The following CDH13 variants were observed in gnomAD, a reference collection of about 807,000 sequenced individuals.
The protein encoded by CDH13 is cadherin-13.
In CDH13, 24 loss-of-function variants were observed where a neutral mutation model predicts 63.8. The observed-to-expected ratio is 0.38, with a 90% CI of 0.27 to 0.53. The LOEUF is 0.53. Ranked by LOEUF, CDH13 falls within the 20% of genes least tolerant of loss-of-function variation. The probability of loss-of-function intolerance (pLI) is 0.85; values close to 1 mark genes in which losing one functional copy is unlikely to be tolerated. For synonymous variants in CDH13, 503 were observed against 355.3 expected (o/e 1.42, Z -4.67); for missense variants, 1,049 against 903.1 (o/e 1.16, Z -2.07).
At chr16:82,657,996 T>G (rs1320777767) in intron 1 of CDH13, among the ~76,000 whole-genome samples, 2 of 152,230 alleles carry the variant, frequency 1.3e-5, no homozygotes, top group Admixed American at 6.5e-5. Context: ...TTGCTACTGA[T>G]CTTATCAGGA....
chr16:83,232,042 C>T (rs2040010391), intron 5 of CDH13, among the ~76,000 whole-genome samples: 1 of 151,926 alleles, frequency 6.6e-6, no homozygotes, highest in Non-Finnish European at 1.5e-5. Flanking sequence ...ACAAGGCGGG[C>T]TTTTCAGAGG....
intron 3 of CDH13, among the ~76,000 whole-genome samples, chr16:83,055,099 T>A (rs1243365912): frequency 6.6e-6 from 1 of 151,756 alleles, no homozygotes; most frequent in African/African-American, 2.4e-5. Flanking sequence ...ATGGGTAAAA[T>A]AAGAAATAAT....
intron 2 of CDH13, among the ~76,000 whole-genome samples, chr16:82,995,132 C>T (rs1054740470): frequency 6.6e-6 from 1 of 152,138 alleles, no homozygotes; most frequent in African/African-American, 2.4e-5. Context: ...TCATCACAAC[C>T]CAAGTGGCTC....
intron 5 of CDH13, among the ~76,000 whole-genome samples, chr16:83,325,885 A>G (rs867955257): frequency 7.2e-5 from 11 of 152,234 alleles, no homozygotes; most frequent in Non-Finnish European, 1.6e-4. Context: ...TTAATTGAAT[A>G]TGGACTCACT....
intron 1 of CDH13, among the ~76,000 whole-genome samples, chr16:82,653,651 G>A (rs930869017): frequency 2.0e-5 from 3 of 152,244 alleles, no homozygotes; most frequent in African/African-American, 7.2e-5. Flanking sequence ...AGCAGCCAGG[G>A]AGGGGGTGGA....
intron 1 of CDH13, among the ~76,000 whole-genome samples, chr16:82,826,982 G>C (rs774136491): frequency 6.6e-6 from 1 of 152,166 alleles, no homozygotes; most frequent in African/African-American, 2.4e-5. Context: ...ATGCCACACG[G>C]CTGGCTTTGG....
intron 2 of CDH13, among the ~76,000 whole-genome samples, chr16:82,873,829 T>A (rs1314533068): frequency 6.6e-6 from 1 of 152,176 alleles, no homozygotes; most frequent in Non-Finnish European, 1.5e-5. Flanking sequence ...ATAGCTTGGC[T>A]CCTCTGAAAG....
chr16:83,499,849 C>T (rs1320377755), intron 7 of CDH13, among the ~76,000 whole-genome samples: 2 of 152,122 alleles, frequency 1.3e-5, no homozygotes, highest in African/African-American at 2.4e-5. Flanking sequence ...ATTGCTCAAG[C>T]TGTAGTGCAA....
chr16:83,175,712 T>A (rs576709909), intron 4 of CDH13, among the ~76,000 whole-genome samples: 19 of 152,102 alleles, frequency 1.2e-4, no homozygotes, highest in Admixed American at 5.2e-4. Context: ...GCCAGATGAG[T>A]CACCAACACA....
chr16:83,450,802 G>A lies in CDH13; in HGVS notation c.782-35675G>A, dbSNP rs111445501. Among the ~76,000 whole-genome samples, 286 of 152,272 alleles carry A rather than the reference G, an allele frequency of 1.9e-3. 2 individuals carry two copies. The highest frequency in any genetic ancestry group is 6.7e-3 in the African/African-American group (280 of 41,558). On this transcript the variant is annotated intron_variant, in intron 6 of 13. Coordinates refer to ENST00000567109, the MANE Select transcript of CDH13 (RefSeq NM_001257.5). ...GGAGAATGGCGTGAACCCGGGAGGC[G>A]GAGCTTGCCGTGAGCCGAGATGGTG...
rs150836814 is a variant in CDH13 at position 83,129,187 on chromosome 16, G to C, written c.483+3686G>C. Among the ~76,000 whole-genome samples, 4 of 152,274 alleles carry C rather than the reference G, an allele frequency of 2.6e-5. 1 individual carries two copies. The highest frequency in any genetic ancestry group is 4.8e-5 in the African/African-American group (2 of 41,548). On this transcript the variant is annotated intron_variant, in intron 4 of 13. Coordinates refer to ENST00000567109, the MANE Select transcript of CDH13 (RefSeq NM_001257.5). ...TGCTGGGGAGGCAGGGAGAAGGGAA[G>C]GAAGACCACAGAGGCAGAGCTCTGG... is the stretch of plus-strand genomic sequence containing the variant.
At chr16:83,257,957 C>T (rs1036961923) in intron 5 of CDH13, among the ~76,000 whole-genome samples, 1 of 152,124 alleles carries the variant, frequency 6.6e-6, no homozygotes, top group African/African-American at 2.4e-5. Flanking sequence ...TAATATTAGT[C>T]ATTCTAACTG....
At chr16:82,986,988 T>C (rs1199178256) in intron 2 of CDH13, among the ~76,000 whole-genome samples, 2 of 152,188 alleles carry the variant, frequency 1.3e-5, no homozygotes, top group African/African-American at 2.4e-5. Context: ...TTCCATCTTA[T>C]CTTGATGGAA....
intron 7 of CDH13, among the ~76,000 whole-genome samples, chr16:83,575,828 G>C (rs1034189211): frequency 4.6e-5 from 7 of 152,056 alleles, no homozygotes; most frequent in African/African-American, 9.7e-5. Flanking sequence ...CTCCCACACT[G>C]GGCTATAGTT....
Position 83,447,427 on chromosome 16 carries a change from G to GA in CDH13, c.782-39042dup, listed in dbSNP as rs1197438804. Among the ~76,000 whole-genome samples the GA allele has an allele frequency of 5.3e-5, 8 of 151,542 alleles. No homozygotes were observed. In the East Asian group the frequency reaches 7.7e-4, roughly 15 times the overall value. ...CTAGACTCCATCCCAAAAAAACAAAGAAAAAAAAGTTTGATGGATGAAGCA... is the reference window on the plus strand; with the variant it reads ...CTAGACTCCATCCCAAAAAAACAAAGAAAAAAAAAGTTTGATGGATGAAGCA... On this transcript the variant is annotated intron_variant, in intron 6 of 13. Coordinates refer to ENST00000567109, the MANE Select transcript of CDH13 (RefSeq NM_001257.5).
intron 4 of CDH13, among the ~76,000 whole-genome samples, chr16:83,158,121 G>C (rs2037291925): frequency 1.3e-5 from 2 of 152,036 alleles, no homozygotes; most frequent in African/African-American, 4.8e-5. Context: ...GTAAATTCAG[G>C]GGATAAGATC....
intron 1 of CDH13, among the ~76,000 whole-genome samples, chr16:82,743,291 C>T (rs1180612123): frequency 6.6e-6 from 1 of 152,154 alleles, no homozygotes; most frequent in Non-Finnish European, 1.5e-5. Context: ...CGGTGGCACT[C>T]TCTCAGCTCA....
At chr16:82,705,256 A>G (rs2031395833) in intron 1 of CDH13, 1 of 437,410 alleles carries the variant, frequency 2.3e-6, no homozygotes, top group Non-Finnish European at 4.5e-6. Context: ...GCTGCACTTC[A>G]AGAGACCACG....
At chr16:83,334,892 A>T (rs1294594383) in intron 5 of CDH13, among the ~76,000 whole-genome samples, 4 of 152,174 alleles carry the variant, frequency 2.6e-5, no homozygotes, top group Non-Finnish European at 4.4e-5. Context: ...GTATATTTTC[A>T]TCTAAATCTG....
Sources: allele counts gnomAD v4.1 joint callset (sites outside exome capture counted in the v4.1 genomes callset), GRCh38; gene constraint gnomAD v4.1.1; transcripts MANE v1.5; gene names NCBI Gene and HGNC (gene_info 2026-07-23, HGNC 2026-07-21).